The following CABLES1 variants were observed in gnomAD, a reference collection of about 807,000 sequenced individuals.
CABLES1 encodes the protein CDK5 and ABL1 enzyme substrate 1.
Under a neutral mutation model 57.8 loss-of-function variants are expected in CABLES1, and 36 were observed. That is an observed-to-expected ratio of 0.62 (90% CI 0.48 to 0.82). CABLES1 has a LOEUF of 0.82. CABLES1 is among the 40% of genes least tolerant of loss of function. The pLI is 0.00. For synonymous variants in CABLES1, 374 were observed against 363.0 expected (o/e 1.03, Z -0.35); for missense variants, 767 against 836.6 (o/e 0.92, Z 1.03).
chr18:23,191,906 TAAAAAAAAAA>T (rs147984743), intron 2 of CABLES1, among the ~76,000 whole-genome samples: 12 of 82,618 alleles, frequency 1.5e-4, no homozygotes, highest in African/African-American at 5.3e-4. Context: ...GTTGAATGCT[TAAAAAAAAAA>T]AAAAAAAAAA....
chr18:23,136,202 C>T lies in CABLES1; in HGVS notation c.440C>T (p.Pro147Leu), dbSNP rs753384032. 3.1e-4 allele frequency: 384 copies of T among 1,251,854 alleles called. No individual in the cohort carries two copies. Among genetic ancestry groups the T allele is most frequent in the Admixed American group, 5.6e-4 (13 of 23,230 alleles). 77.5% of individuals were successfully genotyped at this position (1,251,854 alleles called of 1,614,324 possible). A position where few individuals can be genotyped will look rare whatever the true frequency, so the allele number is the denominator to read the frequency against. ...GPCLPQPSSL[P>L]PLIPGGHATV... ...TGCCTCCCACAGCCCTCGTCGCTGCCGCCCTTGATTCCTGGCGGCCATGCG... is the reference window on the plus strand; with the variant it reads ...TGCCTCCCACAGCCCTCGTCGCTGCTGCCCTTGATTCCTGGCGGCCATGCG... Residue 147 changes from proline to leucine, a missense_variant, in exon 1 of 10, where the codon CCG (proline) becomes CTG (leucine). Physicochemically the swap from Pro to Leu is moderately conservative, Grantham distance 98 (BLOSUM62 -3). Coordinates refer to ENST00000256925, the MANE Select transcript of CABLES1 (RefSeq NM_001100619.3).
chr18:23,197,261 T>C (rs866491512), intron 3 of CABLES1: 3 of 152,212 alleles, frequency 2.0e-5, no homozygotes, highest in African/African-American at 4.8e-5. Context: ...GAAATAAACC[T>C]TGGGGCCTGA....
intron 1 of CABLES1, chr18:23,156,102 C>CG: frequency 1.1e-6 from 1 of 898,918 alleles, no homozygotes; most frequent in East Asian, 2.5e-5. Flanking sequence ...GGGCCAGCAG[C>CG]GGGGGCTGGA....
intron 3 of CABLES1, among the ~76,000 whole-genome samples, chr18:23,202,862 C>G (rs952676463): frequency 9.9e-5 from 15 of 152,068 alleles, no homozygotes; most frequent in Admixed American, 6.5e-5. Context: ...TGGCGGGTGC[C>G]TGTAGTCCCA....
chr18:23,172,811 G>T (rs1452990932), intron 1 of CABLES1, among the ~76,000 whole-genome samples: 3 of 152,152 alleles, frequency 2.0e-5, no homozygotes, highest in Admixed American at 2.0e-4. Flanking sequence ...TTAAGAATAC[G>T]GTGAGGCAGA....
intron 7 of CABLES1, among the ~76,000 whole-genome samples, chr18:23,249,785 A>G (rs1383734225): frequency 6.6e-6 from 1 of 151,702 alleles, no homozygotes; most frequent in African/African-American, 2.4e-5. Context: ...ACTGCTAGCG[A>G]TCTTCTCGGA....
chr18:23,250,063 G>A (rs1200106081), intron 7 of CABLES1, among the ~76,000 whole-genome samples: 1 of 152,222 alleles, frequency 6.6e-6, no homozygotes, highest in Non-Finnish European at 1.5e-5. Context: ...CAAGGGAAGT[G>A]TTATATCTAC....
At chr18:23,192,193 A>G (rs2047249021) in intron 2 of CABLES1, among the ~76,000 whole-genome samples, 1 of 152,204 alleles carries the variant, frequency 6.6e-6, no homozygotes, top group Non-Finnish European at 1.5e-5. Flanking sequence ...CTGGTGTCCA[A>G]AAATAAGGAG....
intron 1 of CABLES1, among the ~76,000 whole-genome samples, chr18:23,175,420 G>T (rs2047116195): frequency 6.6e-6 from 1 of 152,134 alleles, no homozygotes; most frequent in Non-Finnish European, 1.5e-5. Context: ...CTGGGCTTCT[G>T]CTGGCTTGCC....
intron 7 of CABLES1, among the ~76,000 whole-genome samples, chr18:23,250,157 A>G (rs2048002577): frequency 6.6e-6 from 1 of 152,250 alleles, no homozygotes; most frequent in Admixed American, 6.5e-5. Context: ...AACAGAACCC[A>G]GCCTGAAAAT....
intron 7 of CABLES1, among the ~76,000 whole-genome samples, chr18:23,243,468 G>GTTTTTTTTTTTT (rs551293348): frequency 2.0e-5 from 2 of 101,872 alleles, no homozygotes; most frequent in Admixed American, 1.0e-4. Context: ...TGGGTTTGGT[G>GTTTTTTTTTTTT]TTTTTTTTTT....
chr18:23,209,584 C>G (rs1438040732), intron 3 of CABLES1, among the ~76,000 whole-genome samples: 1 of 152,148 alleles, frequency 6.6e-6, no homozygotes, highest in Non-Finnish European at 1.5e-5. Flanking sequence ...CTGTATTCAC[C>G]CCGCCGTTAC....
intron 3 of CABLES1, among the ~76,000 whole-genome samples, chr18:23,206,482 C>A (rs1165353138): frequency 2.6e-5 from 4 of 152,246 alleles, no homozygotes; most frequent in African/African-American, 7.2e-5. Flanking sequence ...GAGTGATGGT[C>A]CATTCTGCAG....
intron 7 of CABLES1, among the ~76,000 whole-genome samples, chr18:23,248,691 G>A (rs2047964819): frequency 6.6e-6 from 1 of 152,026 alleles, no homozygotes; most frequent in Non-Finnish European, 1.5e-5. Context: ...TGGGTGTGGT[G>A]GCGCATGCCT....
At chr18:23,181,640 C>T (rs1446315817) in intron 1 of CABLES1, among the ~76,000 whole-genome samples, 1 of 151,088 alleles carries the variant, frequency 6.6e-6, no homozygotes, top group Non-Finnish European at 1.5e-5. Context: ...GAATTTGTTC[C>T]TGTATTCAGC....
intron 1 of CABLES1, among the ~76,000 whole-genome samples, chr18:23,180,496 T>C (rs920292241): frequency 1.3e-5 from 2 of 152,078 alleles, no homozygotes; most frequent in Non-Finnish European, 2.9e-5. Flanking sequence ...CACATGATAG[T>C]ACAATTCTTG....
intron 1 of CABLES1, among the ~76,000 whole-genome samples, chr18:23,183,558 C>T (rs1175606171): frequency 6.6e-6 from 1 of 152,164 alleles, no homozygotes; most frequent in Non-Finnish European, 1.5e-5. Context: ...CAAAGTGTGG[C>T]CAGTGTGGAA....
intron 7 of CABLES1, among the ~76,000 whole-genome samples, chr18:23,240,304 G>C (rs2047703375): frequency 6.6e-6 from 1 of 152,174 alleles, no homozygotes; most frequent in Non-Finnish European, 1.5e-5. Flanking sequence ...TAGGAAGGGG[G>C]TTGGTTTTGC....
At chr18:23,184,298 C>T (rs2047187083) in intron 1 of CABLES1, among the ~76,000 whole-genome samples, 1 of 148,764 alleles carries the variant, frequency 6.7e-6, no homozygotes, top group South Asian at 2.1e-4. Flanking sequence ...TGTGCCCTTG[C>T]ATACTGGCAC....
Sources: allele counts gnomAD v4.1 joint callset (sites outside exome capture counted in the v4.1 genomes callset), GRCh38; gene constraint gnomAD v4.1.1; transcripts MANE v1.5; gene names NCBI Gene and HGNC (gene_info 2026-07-23, HGNC 2026-07-21).